BARD1: variants seen among roughly 807,000 people sequenced by gnomAD.
BARD1 encodes BRCA1-associated RING domain protein 1.
BARD1 carries 73 observed loss-of-function variants against 77.0 expected under a neutral mutation model. The observed-to-expected ratio is 0.95, with a 90% CI of 0.79 to 1.15. The LOEUF is 1.15. Ranked by LOEUF, BARD1 falls within the 50% of genes most tolerant of loss-of-function variation. The probability of loss-of-function intolerance (pLI) is 0.00; values close to 1 mark genes in which losing one functional copy is unlikely to be tolerated. For synonymous variants in BARD1, 384 were observed against 338.0 expected, an observed-to-expected ratio of 1.14 and a Z score of -1.49; for missense variants, 993 against 938.8, an observed-to-expected ratio of 1.06 and a Z score of -0.75.
chr2:214,729,099 T>C, intron 10 of BARD1, 91 bp from the exon 11 acceptor site: 1 of 1,369,130 alleles, frequency 7.3e-7, no homozygotes, highest in Non-Finnish European at 1.0e-6. Context: ...AAATACAAGT[T>C]GAATATCCCT....
intron 4 of BARD1, among the ~76,000 whole-genome samples, chr2:214,779,102 C>T (rs762202880): frequency 6.6e-6 from 1 of 151,978 alleles, no homozygotes; most frequent in Non-Finnish European, 1.5e-5. Flanking sequence ...CAAACTAAAA[C>T]ACAACCAGAG....
intron 7 of BARD1, among the ~76,000 whole-genome samples, chr2:214,751,111 GTGTGTGTATA>G (rs1408760149): frequency 2.7e-3 from 46 of 16,808 alleles, no homozygotes; most frequent in East Asian, 3.8e-3. Context: ...GTGTGTGTGT[GTGTGTGTATA>G]TATATATATA....
chr2:214,762,350 C>T (rs1263325873), intron 6 of BARD1, among the ~76,000 whole-genome samples: 1 of 152,022 alleles, frequency 6.6e-6, no homozygotes, highest in Non-Finnish European at 1.5e-5. Context: ...ACTTCTGATC[C>T]CAAGCATTTT....
At position 214,727,649 on chromosome 2, in the gene BARD1, T is replaced by A. The variant is rs182484706; in HGVS notation, c.*1027A>T. On this transcript the variant is annotated 3_prime_UTR_variant, in exon 11 of 11. Transcript: ENST00000260947. ...TTAGTAAGCCCTCCCCATACCTACT[T>A]CTATACTTACTGTATGGCCTTTTGT... 67 of 230,856 alleles carry A rather than the reference T, an allele frequency of 2.9e-4. No individual in the cohort carries two copies. The highest frequency in any genetic ancestry group is 1.4e-3 in the African/African-American group (64 of 45,332). The allele number at this position is 230,856 out of a possible 1,614,324, so 14.3% of individuals were successfully genotyped here.
At chr2:214,742,049 A>T (rs1046073499) in intron 9 of BARD1, among the ~76,000 whole-genome samples, 1 of 152,202 alleles carries the variant, frequency 6.6e-6, no homozygotes, top group Non-Finnish European at 1.5e-5. Context: ...AGTTAATATG[A>T]AAGTTTCCTA....
At chr2:214,778,024 C>T (rs573534005) in intron 4 of BARD1, among the ~76,000 whole-genome samples, 7 of 152,016 alleles carry the variant, frequency 4.6e-5, no homozygotes, top group South Asian at 2.1e-4. Context: ...GGTGAAACTC[C>T]GTCTCTACTA....
rs1692314789 is a variant in BARD1, at chr2:214,730,619, T to C, written c.1904-111A>G. ...GGTTTTTCTTCTTCATGGCAGTTTT[T>C]AAGTATTATTCTAAAATGCAAACAG... On this transcript the variant is annotated intron_variant, in intron 9 of 10. Coordinates refer to ENST00000260947, the MANE Select transcript of BARD1 (RefSeq NM_000465.4). 7.2e-6 allele frequency: 6 copies of C among 832,594 alleles called. No homozygotes were observed. In the Admixed American group the frequency reaches 1.0e-4, roughly 14 times the overall value. 51.6% of individuals were successfully genotyped at this position (832,594 alleles called of 1,614,324 possible).
At chr2:214,730,332 G>A in intron 10 of BARD1, 79 bp downstream of exon 10, 1 of 1,261,762 alleles carries the variant, frequency 7.9e-7, no homozygotes, top group Non-Finnish European at 1.2e-6. Context: ...GCTGTTGAAA[G>A]GGCAGAAGTT....
chr2:214,767,425 C>G, intron 6 of BARD1, 57 bp downstream of exon 6: 1 of 1,544,684 alleles, frequency 6.5e-7, no homozygotes, highest in Non-Finnish European at 8.9e-7. Flanking sequence ...TTATCACACA[C>G]CTTGATTCAA....
chr2:214,767,782 C>A (rs1051030850), intron 5 of BARD1, 128 bp from the exon 6 acceptor site: 1 of 810,426 alleles, frequency 1.2e-6, no homozygotes, highest in Non-Finnish European at 2.0e-6. Context: ...CCTAAATACT[C>A]AAAAACACTA....
rs864622716 is a variant in BARD1, at chr2:214,728,893, T to C, written c.2117A>G (p.Lys706Arg). 1.9e-6 allele frequency: 3 copies of C among 1,614,202 alleles called. No homozygotes were observed. The highest frequency in any genetic ancestry group is 1.7e-5 in the Admixed American group (1 of 60,024). The change falls in exon 11 of 11, where the codon AAG becomes AGG. Residue 706 changes from lysine to arginine, a missense_variant. Physicochemically the swap from Lys to Arg is conservative, Grantham distance 26 (BLOSUM62 2). Transcript: ENST00000260947. ...TAGGGQILSR[K>R]PKPDSDVTQT... ...AGTCACGTCACTGTCTGGCTTGGGC[T>C]TTCTACTGAGGATCTGGCCCCCACC... is the stretch of plus-strand genomic sequence containing the variant.
In BARD1 at chr2:214,725,686, G is replaced by T. The variant is rs280622; in HGVS notation, c.*2990C>A. 1.0e-4 allele frequency: 23 copies of T among 219,220 alleles called. No individual in the cohort carries two copies. Among genetic ancestry groups the T allele is most frequent in the Non-Finnish European group, 1.6e-4 (17 of 109,434 alleles). 13.6% of individuals were successfully genotyped at this position (219,220 alleles called of 1,614,324 possible). On this transcript the variant is annotated 3_prime_UTR_variant, in exon 11 of 11. Coordinates refer to ENST00000260947, the MANE Select transcript of BARD1 (RefSeq NM_000465.4). ...TATTTATTCATTCAGTTTGATGTGCGTATCTTTGAAAAGGGTTGACTTATA... is the reference window on the plus strand; with the variant it reads ...TATTTATTCATTCAGTTTGATGTGCTTATCTTTGAAAAGGGTTGACTTATA...
In BARD1 at chr2:214,729,692, T is replaced by C. The variant is rs1187053617; in HGVS notation, c.2002-684A>G. Among the ~76,000 whole-genome samples, 4 of 152,340 alleles carry C rather than the reference T, an allele frequency of 2.6e-5. No homozygotes were observed. The East Asian group carries it at 7.7e-4, about 29-fold the overall frequency. ...GATGTTTATGCTTATTTGGTGGGAC[T>C]TAAAGCCTCCACAACTCCTAGCTTA... is the stretch of plus-strand genomic sequence containing the variant. On this transcript the variant is annotated intron_variant, in intron 10 of 10. Coordinates refer to ENST00000260947, the MANE Select transcript of BARD1 (RefSeq NM_000465.4).
chr2:214,740,802 A>G (rs1228282872), intron 9 of BARD1, among the ~76,000 whole-genome samples: 1 of 152,036 alleles, frequency 6.6e-6, no homozygotes, highest in Non-Finnish European at 1.5e-5. Context: ...AACTGGGACT[A>G]TTAGATCAAA....
intron 6 of BARD1, among the ~76,000 whole-genome samples, chr2:214,755,015 A>G (rs190386126): frequency 6.6e-6 from 1 of 152,326 alleles, no homozygotes; most frequent in Non-Finnish European, 1.5e-5. Context: ...TTTGGGCACA[A>G]TAATGTGTGC....
In BARD1 at chr2:214,752,559, G is replaced by C; in HGVS notation, c.1569-4C>G. 1.2e-6 allele frequency: 2 copies of C among 1,606,414 alleles called. No homozygotes were observed. The highest frequency in any genetic ancestry group is 1.7e-6 in the Non-Finnish European group (2 of 1,173,230). On this transcript the variant is annotated splice_polypyrimidine_tract_variant and splice_region_variant and intron_variant, in intron 6 of 10. Coordinates refer to ENST00000260947, the MANE Select transcript of BARD1 (RefSeq NM_000465.4). ...AGGCCGCAGACCAAATATATTACTG[G>C]TAAAATAAGTGCAGATGTGTTTAAG...
chr2:214,762,007 T>A (rs1313015764), intron 6 of BARD1, among the ~76,000 whole-genome samples: 1 of 152,180 alleles, frequency 6.6e-6, no homozygotes, highest in Non-Finnish European at 1.5e-5. Flanking sequence ...ACAAATTATA[T>A]TTATTAACAC....
intron 3 of BARD1, among the ~76,000 whole-genome samples, chr2:214,782,552 C>A: frequency 6.6e-6 from 1 of 151,128 alleles, no homozygotes; most frequent in East Asian, 1.9e-4. Context: ...ACAAAGATTC[C>A]ATTGAGGGTA....
chr2:214,728,554 A>AT lies in BARD1; in HGVS notation c.*121dup. 1 of 497,420 alleles carries AT rather than the reference A, an allele frequency of 2.0e-6. No homozygotes were observed. The highest frequency in any genetic ancestry group is 3.0e-6 in the Non-Finnish European group (1 of 333,488). 30.8% of individuals were successfully genotyped at this position (497,420 alleles called of 1,614,324 possible). A position where few individuals can be genotyped will look rare whatever the true frequency, so the allele number is the denominator to read the frequency against. ...GCATTAGACTTTTTTTTTTTTTTTG[A>AT]TTCAAAGACAAATATGAATGACTCT... On this transcript the variant is annotated 3_prime_UTR_variant, in exon 11 of 11. Transcript: ENST00000260947.
Sources: allele counts gnomAD v4.1 joint callset (sites outside exome capture counted in the v4.1 genomes callset), GRCh38; gene constraint gnomAD v4.1.1; transcripts MANE v1.5; gene names NCBI Gene and HGNC (gene_info 2026-07-23, HGNC 2026-07-21).